The following SLC44A3 variants were observed in gnomAD, a reference collection of about 807,000 sequenced individuals.
SLC44A3 encodes the protein choline transporter-like protein 3.
SLC44A3 carries 74 observed loss-of-function variants against 75.4 expected under a neutral mutation model. The observed-to-expected ratio is 0.98, with a 90% confidence interval of 0.81 to 1.19. The LOEUF is 1.19. Ranked by LOEUF, SLC44A3 falls within the 50% of genes most tolerant of loss-of-function variation. The pLI, the probability that SLC44A3 is intolerant of heterozygous loss-of-function variation, is 0.00. For synonymous variants in SLC44A3, 310 were observed against 296.9 expected (o/e 1.04, Z -0.45); for missense variants, 700 against 778.6 (o/e 0.90, Z 1.20).
Position 94,842,095 on chromosome 1 carries a change from G to A in SLC44A3, c.856G>A (p.Gly286Arg), listed in dbSNP as rs148020782. The change falls in exon 8 of 15, where the codon GGG (glycine) becomes AGG (arginine). Residue 286 changes from glycine to arginine, a missense_variant. By Grantham distance (125) the Gly-to-Arg change is moderately radical. Transcript: ENST00000271227. Reference sequence around the variant, plus strand: ...AAGGGAAAATATGAAGTGCGTGCTGGGGTTTGCTATCGTATCCACAGGCAT... The same window carrying A: ...AAGGGAAAATATGAAGTGCGTGCTGAGGTTTGCTATCGTATCCACAGGCAT... ...TERENMKCVL[G>R]FAIVSTGITA... The A allele has an allele frequency of 3.1e-6, 5 of 1,612,620 alleles. No individual in the cohort carries two copies. In the South Asian group the frequency reaches 4.4e-5, roughly 14 times the overall value.
chr1:94,895,014 A>AT lies in SLC44A3; in HGVS notation c.*101dup, dbSNP rs535191467. 1,265 of 978,672 alleles carry AT rather than the reference A, an allele frequency of 1.3e-3. 3 individuals are homozygous for AT. Among genetic ancestry groups the AT allele is most frequent in the Non-Finnish European group, 1.6e-3 (1,087 of 665,390 alleles). 60.6% of individuals were successfully genotyped at this position (978,672 alleles called of 1,614,324 possible). ...GAGACCACTAGAGAAAAGTTAGTGAATTTTTTTTTAAAAGACCTAATAAAC... is the reference window on the plus strand; with the variant it reads ...GAGACCACTAGAGAAAAGTTAGTGAATTTTTTTTTTAAAAGACCTAATAAAC... On this transcript the variant is annotated 3_prime_UTR_variant, in exon 15 of 15. Coordinates refer to ENST00000271227, the MANE Select transcript of SLC44A3 (RefSeq NM_001114106.3).
At chr1:94,845,026 A>G (rs1419970124) in intron 8 of SLC44A3, among the ~76,000 whole-genome samples, 1 of 152,190 alleles carries the variant, frequency 6.6e-6, no homozygotes, top group Non-Finnish European at 1.5e-5. Context: ...CACTGACCAG[A>G]CTACAAGGCC....
At chr1:94,827,752 T>A in intron 4 of SLC44A3, 109 bp downstream of exon 4, 4 of 1,354,564 alleles carry the variant, frequency 3.0e-6, no homozygotes, top group Non-Finnish European at 4.1e-6. Flanking sequence ...CTGGAAGTTT[T>A]ACTTCCTTGT....
chr1:94,879,549 A>G (rs1411258983), intron 12 of SLC44A3, among the ~76,000 whole-genome samples: 1 of 147,412 alleles, frequency 6.8e-6, no homozygotes, highest in Non-Finnish European at 1.5e-5. Flanking sequence ...GAAAAAAAAA[A>G]AAAAAAAAGG....
chr1:94,892,123 C>T (rs1211138777), intron 13 of SLC44A3, among the ~76,000 whole-genome samples, 158 bp from the exon 14 acceptor site: 1 of 152,120 alleles, frequency 6.6e-6, no homozygotes, highest in Admixed American at 6.6e-5. Context: ...TCATTTTTTC[C>T]TCTATTTCAT....
intron 9 of SLC44A3, among the ~76,000 whole-genome samples, chr1:94,849,771 T>G (rs1267250195): frequency 6.6e-6 from 1 of 152,144 alleles, no homozygotes; most frequent in Non-Finnish European, 1.5e-5. Context: ...TTTTTGTTGG[T>G]TTTTGTTTGT....
At chr1:94,879,568 A>C (rs1276007589) in intron 12 of SLC44A3, among the ~76,000 whole-genome samples, 4 of 144,372 alleles carry the variant, frequency 2.8e-5, no homozygotes, top group Non-Finnish European at 3.0e-5. Context: ...GGCTGGGCGC[A>C]GTGGTTCATG....
intron 3 of SLC44A3, among the ~76,000 whole-genome samples, chr1:94,824,948 A>G (rs1287124248): frequency 6.6e-6 from 1 of 152,276 alleles, no homozygotes; most frequent in Non-Finnish European, 1.5e-5. Flanking sequence ...TTCATGAGAC[A>G]CTGCATGAGC....
intron 9 of SLC44A3, among the ~76,000 whole-genome samples, chr1:94,853,518 G>A (rs2101195066): frequency 6.6e-6 from 1 of 152,268 alleles, no homozygotes; most frequent in Middle Eastern, 3.4e-3. Flanking sequence ...TTATTGAAGA[G>A]TTATGTTCAC....
At chr1:94,829,236 T>A (rs1661782546) in intron 5 of SLC44A3, among the ~76,000 whole-genome samples, 1 of 151,718 alleles carries the variant, frequency 6.6e-6, no homozygotes, top group African/African-American at 2.4e-5. Flanking sequence ...TGAGCCGAGA[T>A]CGCGACACTG....
intron 2 of SLC44A3, among the ~76,000 whole-genome samples, chr1:94,822,669 T>C (rs1041573012): frequency 3.9e-5 from 6 of 152,280 alleles, no homozygotes; most frequent in Admixed American, 2.0e-4. Flanking sequence ...GCATTAAACA[T>C]AAGGAACAAA....
chr1:94,864,262 T>G (rs1290095121), intron 10 of SLC44A3, among the ~76,000 whole-genome samples: 1 of 152,178 alleles, frequency 6.6e-6, no homozygotes, highest in African/African-American at 2.4e-5. Flanking sequence ...CACCCAGGGC[T>G]TTCTGTCCCT....
At chr1:94,884,459 T>A (rs547654508) in intron 12 of SLC44A3, among the ~76,000 whole-genome samples, 65 of 152,362 alleles carry the variant, frequency 4.3e-4, no homozygotes, top group African/African-American at 1.5e-3. Flanking sequence ...GACTCGGATT[T>A]CACTGTATTT....
At chr1:94,880,739 G>A (rs1668871469) in intron 12 of SLC44A3, among the ~76,000 whole-genome samples, 1 of 152,156 alleles carries the variant, frequency 6.6e-6, no homozygotes, top group South Asian at 2.1e-4. Flanking sequence ...GGGGGCTAGG[G>A]AGAGGGGAAA....
At chr1:94,860,986 G>A (rs557211013) in intron 10 of SLC44A3, among the ~76,000 whole-genome samples, 4 of 152,312 alleles carry the variant, frequency 2.6e-5, no homozygotes, top group African/African-American at 9.6e-5. Flanking sequence ...AATACCAGGT[G>A]TGTTCGAACA....
chr1:94,831,816 G>T (rs572883280), intron 5 of SLC44A3, among the ~76,000 whole-genome samples: 11 of 152,198 alleles, frequency 7.2e-5, no homozygotes, highest in Admixed American at 1.3e-4. Flanking sequence ...AAGTTTGAGT[G>T]GCTTTGCTAA....
chr1:94,848,119 CT>C lies in SLC44A3; in HGVS notation c.1072+2656del, dbSNP rs1440503293. ...TGGCGGGCGCCTATAGTCCCAGCTA[CT>C]CGGGAGGCTGAGGCAGGAGAATAGC... On this transcript the variant is annotated intron_variant, in intron 9 of 14. Transcript: ENST00000271227. 2.6e-5 allele frequency among the ~76,000 whole-genome samples: 4 copies of C among 151,942 alleles called. No homozygotes were observed. The East Asian group carries it at 7.7e-4, about 29-fold the overall frequency.
intron 12 of SLC44A3, among the ~76,000 whole-genome samples, chr1:94,884,328 T>C (rs183592904): frequency 6.6e-6 from 1 of 152,312 alleles, no homozygotes; most frequent in East Asian, 1.9e-4. Context: ...GGCTGTGCAC[T>C]GCCTCACTCC....
Position 94,894,855 on chromosome 1 carries a change from G to A in SLC44A3, c.1895G>A (p.Arg632Lys). 1 of 1,612,238 alleles carries A rather than the reference G, an allele frequency of 6.2e-7. No homozygotes were observed. Among genetic ancestry groups the A allele is most frequent in the Admixed American group, 1.7e-5 (1 of 60,014 alleles). ...VKRSNKLNNA[R>K]AQQDKHSLRN... is the part of the protein sequence containing the mutation. ...AGGAGCAACAAATTAAACAATGCAA[G>A]GGCACAGCAGGACAAGCACTCATTA... The change falls in exon 15 of 15, where the codon AGG becomes AAG. Residue 632 changes from arginine (R) to lysine (K), a missense_variant. Physicochemically the swap from Arg to Lys is conservative, Grantham distance 26. Transcript: ENST00000271227.
Sources: allele counts gnomAD v4.1 joint callset (sites outside exome capture counted in the v4.1 genomes callset), GRCh38; gene constraint gnomAD v4.1.1; transcripts MANE v1.5; gene names NCBI Gene and HGNC (gene_info 2026-07-23, HGNC 2026-07-21).